Variants in FOXN2 observed in about 807,000 individuals in gnomAD.
FOXN2 encodes the protein forkhead box protein N2.
Under a neutral mutation model 41.2 loss-of-function variants are expected in FOXN2, and 19 were observed. The ratio of observed to expected loss-of-function variants is 0.46; its 90% CI spans 0.32 to 0.68. FOXN2 has a LOEUF of 0.68. Ranked by LOEUF, FOXN2 falls within the 30% of genes least tolerant of loss-of-function variation. The pLI, the probability that FOXN2 is intolerant of heterozygous loss-of-function variation, is 0.03. For synonymous variants in FOXN2, 195 were observed against 176.8 expected, an observed-to-expected ratio of 1.10 and a Z score of -0.82; for missense variants, 587 against 509.4, an observed-to-expected ratio of 1.15 and a Z score of -1.47.
intron 2 of FOXN2, among the ~76,000 whole-genome samples, chr2:48,332,149 T>G (rs868663295): frequency 2.6e-5 from 4 of 152,288 alleles, no homozygotes; most frequent in Middle Eastern, 3.4e-3. Flanking sequence ...CCATTACATT[T>G]GTTGCTGTGT....
intron 4 of FOXN2, among the ~76,000 whole-genome samples, chr2:48,361,621 G>T (rs1672192393): frequency 6.6e-6 from 1 of 151,994 alleles, no homozygotes; most frequent in African/African-American, 2.4e-5. Flanking sequence ...TTGCATATAA[G>T]AATTTGTAAG....
At chr2:48,345,426 T>C (rs1387363580) in intron 2 of FOXN2, among the ~76,000 whole-genome samples, 1 of 152,098 alleles carries the variant, frequency 6.6e-6, no homozygotes, top group Non-Finnish European at 1.5e-5. Context: ...TAGTGACCTA[T>C]TGCATAGCAT....
In FOXN2 at chr2:48,375,462, A is replaced by G. The variant is rs1205411400; in HGVS notation, c.*19A>G. 6 of 1,578,032 alleles carry G rather than the reference A, an allele frequency of 3.8e-6. No individual in the cohort carries two copies. Among genetic ancestry groups the G allele is most frequent in the Non-Finnish European group, 5.2e-6 (6 of 1,163,434 alleles). ...AAAATAGAAATACTTAAAGTGTGGC[A>G]ATACTCTTTCACTTAATTCTTTACA... On this transcript the variant is annotated 3_prime_UTR_variant, in exon 7 of 7. Transcript: ENST00000340553.
chr2:48,341,384 C>T (rs181027770), intron 2 of FOXN2, among the ~76,000 whole-genome samples: 98 of 151,968 alleles, frequency 6.4e-4, no homozygotes, highest in Middle Eastern at 3.4e-3. Flanking sequence ...TTATATATTC[C>T]TGAACACACT....
chr2:48,366,984 C>A (rs965454280), intron 5 of FOXN2, among the ~76,000 whole-genome samples: 7 of 152,128 alleles, frequency 4.6e-5, no homozygotes, highest in Non-Finnish European at 7.4e-5. Context: ...ATCATCTTTA[C>A]TGATCATTAT....
intron 5 of FOXN2, among the ~76,000 whole-genome samples, chr2:48,363,320 T>C (rs941976129): frequency 9.2e-5 from 14 of 152,184 alleles, no homozygotes; most frequent in African/African-American, 3.1e-4. Context: ...TAAAATATTT[T>C]TATACAGCTG....
chr2:48,366,698 T>C (rs1390007105), intron 5 of FOXN2, among the ~76,000 whole-genome samples: 1 of 152,084 alleles, frequency 6.6e-6, no homozygotes, highest in Non-Finnish European at 1.5e-5. Context: ...CCCTCTGAGG[T>C]ATTGCTGCCC....
rs1002391414 is a variant in FOXN2, at chr2:48,373,235, T to C, written c.704-57T>C. 1.3e-5 allele frequency: 16 copies of C among 1,266,018 alleles called. No homozygotes were observed. The Admixed American group carries it at 2.2e-4, about 17-fold the overall frequency. 78.4% of individuals were successfully genotyped at this position (1,266,018 alleles called of 1,614,324 possible). On this transcript the variant is annotated intron_variant, in intron 5 of 6. Coordinates refer to ENST00000340553, the MANE Select transcript of FOXN2 (RefSeq NM_002158.4). ...GTTATCTTCAGGGGCATGCAAATAC[T>C]TAGAATAGCCTCTCCTTTATAAAGA...
intron 2 of FOXN2, among the ~76,000 whole-genome samples, chr2:48,335,496 ATAG>A (rs1428954796): frequency 6.6e-6 from 1 of 151,766 alleles, no homozygotes; most frequent in Non-Finnish European, 1.5e-5. Flanking sequence ...AGTAATGGAA[ATAG>A]TAGTGGACTA....
chr2:48,363,989 G>T (rs1176157674), intron 5 of FOXN2, among the ~76,000 whole-genome samples: 1 of 152,116 alleles, frequency 6.6e-6, no homozygotes, highest in Admixed American at 6.5e-5. Context: ...TCTTCTGAAT[G>T]CCTGGGCTCA....
rs560230898 is a variant in FOXN2, at chr2:48,369,517, G to C, written c.704-3775G>C. On this transcript the variant is annotated intron_variant, in intron 5 of 6. Transcript: ENST00000340553. ...GGTGCCATTGCACTCCAGCCTGGAC[G>C]ACAAGAGTGAAACTCCATCTCAAAA... Among the ~76,000 whole-genome samples, 4 of 152,206 alleles carry C rather than the reference G, an allele frequency of 2.6e-5. No individual in the cohort carries two copies. The East Asian group carries it at 7.7e-4, about 29-fold the overall frequency.
intron 2 of FOXN2, among the ~76,000 whole-genome samples, chr2:48,332,223 A>G (rs956949595): frequency 2.0e-5 from 3 of 152,146 alleles, no homozygotes; most frequent in Non-Finnish European, 2.9e-5. Flanking sequence ...CAGAGGTAGT[A>G]TAGTTATTTT....
intron 1 of FOXN2, among the ~76,000 whole-genome samples, chr2:48,327,174 A>C (rs1214135529): frequency 1.3e-5 from 2 of 151,884 alleles, no homozygotes; most frequent in Non-Finnish European, 2.9e-5. Flanking sequence ...CAAATTCAAC[A>C]GGTTTTTAAA....
chr2:48,362,588 A>C, intron 4 of FOXN2, 55 bp from the exon 5 acceptor site: 2 of 1,515,566 alleles, frequency 1.3e-6, no homozygotes, highest in Non-Finnish European at 1.8e-6. Context: ...AATTAGGGGG[A>C]AAAAGTGAAG....
intron 1 of FOXN2, among the ~76,000 whole-genome samples, chr2:48,325,029 A>G (rs1056026318): frequency 1.3e-5 from 2 of 152,232 alleles, no homozygotes; most frequent in African/African-American, 2.4e-5. Context: ...GAACAGGATT[A>G]GTATAGTTTG....
Position 48,374,970 on chromosome 2 carries a change from G to C in FOXN2, c.823G>C (p.Gly275Arg). The change falls in exon 7 of 7, where the codon GGC becomes CGC. Residue 275 changes from glycine (G) to arginine (R), a missense_variant. Gly to Arg is a moderately radical substitution (Grantham distance 125). Coordinates refer to ENST00000340553, the MANE Select transcript of FOXN2 (RefSeq NM_002158.4). ...KTALQKKRSYGNAFHHPSAVR... is the reference protein window; with the variant it reads ...KTALQKKRSYRNAFHHPSAVR... ...AGCATTGCAAAAAAAGAGGAGTTAC[G>C]GCAATGCATTTCATCATCCCAGTGC... is the stretch of plus-strand genomic sequence containing the variant. 1.2e-6 allele frequency: 2 copies of C among 1,613,726 alleles called. No individual in the cohort carries two copies. Among genetic ancestry groups the C allele is most frequent in the Non-Finnish European group, 1.7e-6 (2 of 1,179,824 alleles).
intron 1 of FOXN2, among the ~76,000 whole-genome samples, chr2:48,322,210 A>C (rs780323029): frequency 6.6e-6 from 1 of 152,182 alleles, no homozygotes; most frequent in Non-Finnish European, 1.5e-5. Context: ...GGTCTCCCAA[A>C]GTGCTGGTAT....
rs914008536 is a variant in FOXN2 at position 48,338,349 on chromosome 2, G to A, written c.-14-7852G>A. Among the ~76,000 whole-genome samples the A allele has an allele frequency of 4.6e-5, 7 of 151,904 alleles. No homozygotes were observed. In the East Asian group the frequency reaches 1.2e-3, roughly 25 times the overall value. ...ATTCTTAACAGGTGAGAGTGTGCAG[G>A]GATGCTAAGGACTGATGGTGGATAG... On this transcript the variant is annotated intron_variant, in intron 2 of 6. Transcript: ENST00000340553.
At chr2:48,349,629 G>T (rs973060814) in intron 3 of FOXN2, among the ~76,000 whole-genome samples, 11 of 152,122 alleles carry the variant, frequency 7.2e-5, no homozygotes, top group African/African-American at 2.7e-4. Flanking sequence ...CAACAAATTA[G>T]CCAGACATGG....
Sources: gnomAD v4.1 joint callset for allele counts (sites outside exome capture counted in the v4.1 genomes callset) on GRCh38, gnomAD v4.1.1 for gene constraint, MANE v1.5 for transcripts, NCBI Gene and HGNC (gene_info 2026-07-23, HGNC 2026-07-21) for gene names.